Variants in YPEL5 observed in about 807,000 individuals in gnomAD.
The protein encoded by YPEL5 is yippee like 5.
Under a neutral mutation model 10.5 loss-of-function variants are expected in YPEL5, and 1 was observed. The ratio of observed to expected loss-of-function variants is 0.10; its 90% CI spans 0.03 to 0.45. The LOEUF is 0.45. Ranked by LOEUF, YPEL5 falls within the 20% of genes least tolerant of loss-of-function variation. The pLI is 0.97. For synonymous variants in YPEL5, 61 were observed against 56.6 expected (o/e 1.08, Z -0.35); for missense variants, 68 against 159.3 (o/e 0.43, Z 3.09).
At chr2:30,147,842 C>A in intron 1 of YPEL5, 1 of 154,054 alleles carries the variant, frequency 6.5e-6, no homozygotes, top group South Asian at 1.8e-4. Context: ...CCGAGGGAGG[C>A]CCCGCCGCCA....
intron 1 of YPEL5, chr2:30,156,387 G>C (rs1211145604): frequency 1.3e-5 from 5 of 381,108 alleles, no homozygotes; most frequent in Non-Finnish European, 2.4e-5. Context: ...TTTGGCCTTG[G>C]CTAATAGGTT....
chr2:30,151,903 AG>A (rs1675810752), intron 1 of YPEL5, among the ~76,000 whole-genome samples: 1 of 152,234 alleles, frequency 6.6e-6, no homozygotes, highest in Non-Finnish European at 1.5e-5. Flanking sequence ...AGTCCAAGCA[AG>A]GTGATTAGCA....
chr2:30,158,597 G>T, intron 2 of YPEL5, 22 bp from the exon 3 acceptor site: 1 of 1,608,830 alleles, frequency 6.2e-7, no homozygotes. Context: ...TTGCAATTTT[G>T]ATTTTCCTTG....
chr2:30,155,798 A>C (rs763516832), intron 1 of YPEL5: 1 of 152,250 alleles, frequency 6.6e-6, no homozygotes. Context: ...AAGATAATCA[A>C]GTTATGTATG....
chr2:30,158,942 A>G lies in YPEL5; in HGVS notation c.*99A>G. Reference sequence around the variant, plus strand: ...CCTTAGCATCAGAGTCGGATTAATGAACTGCGGAACAAGAGGTTGTGAGAA... The same window carrying G: ...CCTTAGCATCAGAGTCGGATTAATGGACTGCGGAACAAGAGGTTGTGAGAA... On this transcript the variant is annotated 3_prime_UTR_variant, in exon 3 of 3. Coordinates refer to ENST00000261353, the MANE Select transcript of YPEL5 (RefSeq NM_016061.3). 1 of 1,087,246 alleles carries G rather than the reference A, an allele frequency of 9.2e-7. No homozygotes were observed. Among genetic ancestry groups the G allele is most frequent in the East Asian group, 2.5e-5 (1 of 39,652 alleles). 67.3% of individuals were successfully genotyped at this position (1,087,246 alleles called of 1,614,324 possible).
At chr2:30,152,739 C>T (rs894935712) in intron 1 of YPEL5, among the ~76,000 whole-genome samples, 12 of 152,096 alleles carry the variant, frequency 7.9e-5, no homozygotes, top group Non-Finnish European at 1.2e-4. Flanking sequence ...AAATTAAATG[C>T]GGTATGTAAA....
At chr2:30,150,769 G>A (rs1264355656) in intron 1 of YPEL5, among the ~76,000 whole-genome samples, 3 of 152,164 alleles carry the variant, frequency 2.0e-5, no homozygotes, top group Non-Finnish European at 4.4e-5. Context: ...ATCAGAATGT[G>A]TTTTTAAGCA....
intron 2 of YPEL5, 66 bp from the exon 3 acceptor site, chr2:30,158,553 A>G: frequency 2.0e-6 from 3 of 1,490,204 alleles, no homozygotes; most frequent in Non-Finnish European, 1.9e-6. Context: ...TAACCATAAT[A>G]TTTTGTACAT....
rs1001072368 is a variant in YPEL5, at chr2:30,159,515, A to C, written c.*672A>C. ...CTGCTGGGTTGTCTTTTTCCATGTA[A>C]CTTAAGCATAGTAATATAAATAAAG... On this transcript the variant is annotated 3_prime_UTR_variant, in exon 3 of 3. Coordinates refer to ENST00000261353, the MANE Select transcript of YPEL5 (RefSeq NM_016061.3). The C allele has an allele frequency of 1.0e-4, 16 of 152,758 alleles. No individual in the cohort carries two copies. The highest frequency in any genetic ancestry group is 3.8e-4 in the African/African-American group (16 of 41,578). The allele number at this position is 152,758 out of a possible 1,614,324, so 9.5% of individuals were successfully genotyped here. A position where few individuals can be genotyped will look rare whatever the true frequency, so the allele number is the denominator to read the frequency against.
At chr2:30,157,510 C>T (rs2103520968) in intron 2 of YPEL5, among the ~76,000 whole-genome samples, 1 of 152,330 alleles carries the variant, frequency 6.6e-6, no homozygotes, top group South Asian at 2.1e-4. Flanking sequence ...TGCTCTAATT[C>T]ATGCTCACCA....
chr2:30,147,867 C>T (rs772193064), intron 1 of YPEL5: 10 of 154,210 alleles, frequency 6.5e-5, no homozygotes, highest in Non-Finnish European at 1.2e-4. Context: ...CGCCGCCGCG[C>T]TCTGCCGCCC....
rs749132224 is a variant in YPEL5 at position 30,158,866 on chromosome 2, T to C, written c.*23T>C. On this transcript the variant is annotated 3_prime_UTR_variant, in exon 3 of 3. Coordinates refer to ENST00000261353, the MANE Select transcript of YPEL5 (RefSeq NM_016061.3). Reference sequence around the variant, plus strand: ...TGAAGATACAGAGAGAAATCCATCTTTTCCCAGGTCTCCTTCACTGAAAAC... The same window carrying C: ...TGAAGATACAGAGAGAAATCCATCTCTTCCCAGGTCTCCTTCACTGAAAAC... The C allele has an allele frequency of 1.2e-6, 2 of 1,610,754 alleles. No individual in the cohort carries two copies. Among genetic ancestry groups the C allele is most frequent in the South Asian group, 2.2e-5 (2 of 91,020 alleles).
At chr2:30,151,588 T>G (rs938568016) in intron 1 of YPEL5, among the ~76,000 whole-genome samples, 3 of 152,232 alleles carry the variant, frequency 2.0e-5, no homozygotes. Context: ...GGTACTTTTC[T>G]TATTCAACCT....
chr2:30,159,709 G>T lies in YPEL5; in HGVS notation c.*866G>T, dbSNP rs949081563. The T allele has an allele frequency of 6.6e-6, 1 of 152,062 alleles. No individual in the cohort carries two copies. The highest frequency in any genetic ancestry group is 6.6e-5 in the Admixed American group (1 of 15,262). The allele number at this position is 152,062 out of a possible 1,614,324, so 9.4% of individuals were successfully genotyped here. A position where few individuals can be genotyped will look rare whatever the true frequency, so the allele number is the denominator to read the frequency against. The stretch of plus-strand genomic sequence containing the variant: ...AAATGAAAGCATACTGTTGAAACCC[G>T]CAGTGTTGCATTTAGAAAACAGTTG... On this transcript the variant is annotated 3_prime_UTR_variant, in exon 3 of 3. Coordinates refer to ENST00000261353, the MANE Select transcript of YPEL5 (RefSeq NM_016061.3).
rs529176431 is a variant in YPEL5 at position 30,154,490 on chromosome 2, C to T, written c.-24-2138C>T. On this transcript the variant is annotated intron_variant, in intron 1 of 2. Coordinates refer to ENST00000261353, the MANE Select transcript of YPEL5 (RefSeq NM_016061.3). Reference sequence around the variant, plus strand: ...TTGTTGCCATAGGAGAATATGTGCCCTCCCCATTGTTAAAAAGAAATCCAA... The same window carrying T: ...TTGTTGCCATAGGAGAATATGTGCCTTCCCCATTGTTAAAAAGAAATCCAA... Among the ~76,000 whole-genome samples, 20 of 152,280 alleles carry T rather than the reference C, an allele frequency of 1.3e-4. No homozygotes were observed. The South Asian group carries it at 3.5e-3, about 27-fold the overall frequency.
At chr2:30,156,843 C>A in intron 2 of YPEL5, 51 bp downstream of exon 2, 1 of 1,597,452 alleles carries the variant, frequency 6.3e-7, no homozygotes, top group Non-Finnish European at 8.6e-7. Context: ...CTGTATTTGA[C>A]AGCAACACCA....
At chr2:30,148,003 C>T (rs1675576213) in intron 1 of YPEL5, 1 of 152,116 alleles carries the variant, frequency 6.6e-6, no homozygotes, top group Non-Finnish European at 1.5e-5. Flanking sequence ...CGGCCCAGCT[C>T]CGCCAGCTTC....
chr2:30,154,949 G>C (rs1675972443), intron 1 of YPEL5, among the ~76,000 whole-genome samples: 1 of 152,076 alleles, frequency 6.6e-6, no homozygotes, highest in Admixed American at 6.5e-5. Flanking sequence ...ATGTTAACCA[G>C]GCTGGTCTTG....
chr2:30,159,063 G>A lies in YPEL5; in HGVS notation c.*220G>A, dbSNP rs1007016087. On this transcript the variant is annotated 3_prime_UTR_variant, in exon 3 of 3. Transcript: ENST00000261353. ...GTAGAGAGAATATTATGCAGATGCC[G>A]TTAATTTTTTACCCTATGTTTACAT... 6 of 541,832 alleles carry A rather than the reference G, an allele frequency of 1.1e-5. No individual in the cohort carries two copies. Among genetic ancestry groups the A allele is most frequent in the African/African-American group, 9.5e-5 (5 of 52,558 alleles). The allele number at this position is 541,832 out of a possible 1,614,324, so 33.6% of individuals were successfully genotyped here. A position where few individuals can be genotyped will look rare whatever the true frequency, so the allele number is the denominator to read the frequency against.
Sources: gnomAD v4.1 joint callset for allele counts (sites outside exome capture counted in the v4.1 genomes callset) on GRCh38, gnomAD v4.1.1 for gene constraint, MANE v1.5 for transcripts, NCBI Gene and HGNC (gene_info 2026-07-23, HGNC 2026-07-21) for gene names.